The following CHD9 variants were observed in gnomAD, a reference collection of about 807,000 sequenced individuals.
CHD9 encodes chromodomain helicase DNA binding protein 9, also known as ATP-dependent chromatin remodeler CHD9.
Under a neutral mutation model 316.1 loss-of-function variants are expected in CHD9, and 77 were observed. That is an observed-to-expected ratio of 0.24 (90% CI 0.20 to 0.29). CHD9 has a LOEUF of 0.29. Ranked by LOEUF, CHD9 falls within the 10% of genes least tolerant of loss-of-function variation. CHD9 has a pLI of 1.00. For missense variants in CHD9, 2,763 were observed against 3,438.1 expected, an observed-to-expected ratio of 0.80 and a Z score of 4.91; for synonymous variants, 1,129 against 1,158.3, an observed-to-expected ratio of 0.97 and a Z score of 0.51.
intron 24 of CHD9, among the ~76,000 whole-genome samples, chr16:53,274,870 T>C (rs779358530): frequency 6.6e-6 from 1 of 152,180 alleles, no homozygotes; most frequent in Non-Finnish European, 1.5e-5. Flanking sequence ...TCCATGAAAC[T>C]TAAGGAATTA....
At chr16:53,292,166 A>G (rs1268556084) in intron 28 of CHD9, among the ~76,000 whole-genome samples, 1 of 152,210 alleles carries the variant, frequency 6.6e-6, no homozygotes, top group South Asian at 2.1e-4. Flanking sequence ...TCCTTCTGAT[A>G]TCAAGATAGA....
intron 37 of CHD9, chr16:53,321,158 T>C (rs2057248131): frequency 9.0e-7 from 1 of 1,116,854 alleles, no homozygotes; most frequent in South Asian, 1.3e-5. Flanking sequence ...ATCCCCATTT[T>C]ACAGATCAGA....
intron 2 of CHD9, among the ~76,000 whole-genome samples, chr16:53,191,144 G>C (rs1374089151): frequency 2.0e-5 from 3 of 152,034 alleles, no homozygotes; most frequent in Non-Finnish European, 4.4e-5. Context: ...TTTACTTTCT[G>C]CCACTATAGA....
intron 1 of CHD9, among the ~76,000 whole-genome samples, chr16:53,100,152 T>G (rs2036728501): frequency 6.6e-6 from 1 of 152,188 alleles, no homozygotes; most frequent in African/African-American, 2.4e-5. Context: ...AATAATGGGA[T>G]AAACCTACAT....
chr16:53,132,945 A>G (rs1372318098), intron 1 of CHD9, among the ~76,000 whole-genome samples: 1 of 152,006 alleles, frequency 6.6e-6, no homozygotes, highest in Non-Finnish European at 1.5e-5. Context: ...AGTAGCTGGG[A>G]TTACAGGTGC....
chr16:53,325,792 A>G lies in CHD9; in HGVS notation c.*897A>G, dbSNP rs896302580. The G allele has an allele frequency of 1.3e-5, 2 of 152,332 alleles. No individual in the cohort carries two copies. The highest frequency in any genetic ancestry group is 4.8e-5 in the African/African-American group (2 of 41,452). 9.4% of individuals were successfully genotyped at this position (152,332 alleles called of 1,614,324 possible). On this transcript the variant is annotated 3_prime_UTR_variant, in exon 39 of 39. Coordinates refer to ENST00000447540, the MANE Select transcript of CHD9 (RefSeq NM_001308319.2). ...GGCAAACTCATGAAATGCCACTGAA[A>G]AGAACTTTCAACACAGCATACTTCA...
At chr16:53,141,373 T>C (rs1407441967) in intron 1 of CHD9, among the ~76,000 whole-genome samples, 1 of 152,174 alleles carries the variant, frequency 6.6e-6, no homozygotes, top group Non-Finnish European at 1.5e-5. Flanking sequence ...TTGATGAAAA[T>C]AGGATTCTTT....
chr16:53,111,229 A>G (rs1405970893), intron 1 of CHD9, among the ~76,000 whole-genome samples: 1 of 152,138 alleles, frequency 6.6e-6, no homozygotes, highest in Non-Finnish European at 1.5e-5. Flanking sequence ...GATTTTCAGC[A>G]TGTGCCCCAC....
At chr16:53,314,165 A>G (rs1217760122) in intron 34 of CHD9, among the ~76,000 whole-genome samples, 1 of 152,168 alleles carries the variant, frequency 6.6e-6, no homozygotes, top group Non-Finnish European at 1.5e-5. Flanking sequence ...GAAAAAAAAT[A>G]GAGAAGACAG....
intron 34 of CHD9, among the ~76,000 whole-genome samples, chr16:53,312,631 A>G (rs1036859983): frequency 2.0e-5 from 3 of 152,174 alleles, no homozygotes; most frequent in African/African-American, 7.2e-5. Flanking sequence ...ATCTTAAGTT[A>G]TGAAAAGCAT....
At chr16:53,124,809 T>G (rs1320601695) in intron 1 of CHD9, among the ~76,000 whole-genome samples, 2 of 151,942 alleles carry the variant, frequency 1.3e-5, no homozygotes, top group Non-Finnish European at 2.9e-5. Context: ...GAGAACAACA[T>G]GGGAAAGACC....
intron 2 of CHD9, among the ~76,000 whole-genome samples, chr16:53,198,955 CT>C (rs2045200022): frequency 6.6e-6 from 1 of 150,708 alleles, no homozygotes; most frequent in Non-Finnish European, 1.5e-5. Context: ...ATGTAAAAAT[CT>C]TTTTAATTGG....
intron 3 of CHD9, among the ~76,000 whole-genome samples, chr16:53,216,949 A>G (rs1251749100): frequency 6.6e-6 from 1 of 152,150 alleles, no homozygotes; most frequent in Non-Finnish European, 1.5e-5. Context: ...CCTTCCTCAA[A>G]TGTTAACATC....
chr16:53,303,543 A>G (rs2153080158), intron 30 of CHD9, among the ~76,000 whole-genome samples, 177 bp from the exon 31 acceptor site: 1 of 152,286 alleles, frequency 6.6e-6, no homozygotes, highest in African/African-American at 2.4e-5. Flanking sequence ...AAATTTCAAA[A>G]TCCTCACTGA....
chr16:53,172,018 A>G (rs1386160416), intron 2 of CHD9, among the ~76,000 whole-genome samples: 3 of 152,086 alleles, frequency 2.0e-5, no homozygotes, highest in East Asian at 1.9e-4. Context: ...TCTATATCAA[A>G]TTTTCAGCTT....
Position 53,255,756 on chromosome 16 carries a change from G to A in CHD9, c.4186G>A (p.Gly1396Arg). The A allele has an allele frequency of 6.2e-7, 1 of 1,613,810 alleles. No individual in the cohort carries two copies. The highest frequency in any genetic ancestry group is 2.2e-5 in the East Asian group (1 of 44,848). ...AAAAACTATTACAATTGAATCAGAA[G>A]GACGTGGGTCAACATTTGCCAAGGT... ...RTKTITIESE[G>R]RGSTFAKASF... is the part of the protein sequence containing the mutation. Residue 1396 changes from glycine (G) to arginine (R), a missense_variant, in exon 19 of 39, where the codon GGA (glycine) becomes AGA (arginine). Gly to Arg is a moderately radical substitution (Grantham distance 125). This residue lies in a region of CHD9 where 199 missense variants were observed against 251.7 expected (regional missense o/e 0.79). Transcript: ENST00000447540.
chr16:53,128,866 G>T (rs2039089005), intron 1 of CHD9, among the ~76,000 whole-genome samples: 1 of 152,138 alleles, frequency 6.6e-6, no homozygotes, highest in South Asian at 2.1e-4. Flanking sequence ...AAACCTGAGA[G>T]TCTAAGCTAA....
At chr16:53,063,390 A>G (rs1379715589) in intron 1 of CHD9, among the ~76,000 whole-genome samples, 1 of 151,850 alleles carries the variant, frequency 6.6e-6, no homozygotes, top group Non-Finnish European at 1.5e-5. Flanking sequence ...ACACACACAC[A>G]CACACACACA....
intron 2 of CHD9, among the ~76,000 whole-genome samples, chr16:53,175,589 T>A (rs914786785): frequency 7.2e-5 from 11 of 152,256 alleles, no homozygotes; most frequent in African/African-American, 2.7e-4. Context: ...TAATATGGAA[T>A]TGTCATAATT....
Sources: gnomAD v4.1 joint callset for allele counts (sites outside exome capture counted in the v4.1 genomes callset) on GRCh38, gnomAD v4.1.1 for gene constraint, gnomAD v4.1.1 regional missense constraint, MANE v1.5 for transcripts, NCBI Gene and HGNC (gene_info 2026-07-23, HGNC 2026-07-21) for gene names.